Variants in FAM200C observed in about 807,000 individuals in gnomAD.
chr5:160,395,561 C>A, the FAM200C span: 1 of 1,265,900 alleles, frequency 7.9e-7, no homozygotes, highest in Non-Finnish European at 1.1e-6. Context: ...AAATATAACC[C>A]ACACATTAAA....
the FAM200C span, among the ~76,000 whole-genome samples, chr5:160,399,074 C>T: frequency 6.6e-6 from 1 of 152,162 alleles, no homozygotes; most frequent in Non-Finnish European, 1.5e-5. Flanking sequence ...GATGGGTATA[C>T]ATCATTACAC....
the FAM200C span, chr5:160,394,115 TG>T: frequency 1.2e-6 from 2 of 1,613,678 alleles, no homozygotes; most frequent in Non-Finnish European, 1.7e-6. Flanking sequence ...AAAATATCCA[TG>T]GAAGAAGTTG....
the FAM200C span, chr5:160,395,032 C>A: frequency 6.2e-7 from 1 of 1,613,890 alleles, no homozygotes; most frequent in Non-Finnish European, 8.5e-7. Context: ...TATCCTGGCT[C>A]ATTTCATCAA....
chr5:160,396,386 C>T, the FAM200C span, among the ~76,000 whole-genome samples: 513 of 152,262 alleles, frequency 3.4e-3, no homozygotes, highest in Non-Finnish European at 5.5e-3. Context: ...AGGTAGGCTA[C>T]AAATTGGCTC....
the FAM200C span, chr5:160,393,818 G>C: frequency 6.2e-7 from 1 of 1,609,866 alleles, no homozygotes; most frequent in Non-Finnish European, 8.5e-7. Context: ...GCAGCTTCTG[G>C]ACTTTGTTTT....
the FAM200C span, among the ~76,000 whole-genome samples, chr5:160,398,331 C>T: frequency 6.6e-6 from 1 of 152,180 alleles, no homozygotes; most frequent in Non-Finnish European, 1.5e-5. Context: ...AGGCGGATCA[C>T]CTGAGGTCAG....
the FAM200C span, chr5:160,395,080 C>T: frequency 6.3e-4 from 1,024 of 1,614,080 alleles, 5 homozygotes; most frequent in African/African-American, 0.011. Context: ...AGGGTACCTG[C>T]TGAAGCTTTT....
the FAM200C span, chr5:160,399,856 G>A: frequency 6.6e-6 from 1 of 152,074 alleles, no homozygotes; most frequent in Non-Finnish European, 1.5e-5. Flanking sequence ...TGGGATGCAC[G>A]GGCTTCTTTT....
the FAM200C span, chr5:160,393,908 G>T: frequency 6.2e-7 from 1 of 1,614,086 alleles, no homozygotes; most frequent in Non-Finnish European, 8.5e-7. Flanking sequence ...AGCTGTCTTT[G>T]CCAGGTTTGG....
chr5:160,396,681 C>T, the FAM200C span, among the ~76,000 whole-genome samples: 338 of 120,828 alleles, frequency 2.8e-3, no homozygotes, highest in African/African-American at 0.01. Context: ...GCCTGGGCGA[C>T]AGAGCAAGTC....
At chr5:160,393,840 G>A in the FAM200C span, 94 of 1,613,630 alleles carry the variant, frequency 5.8e-5, no homozygotes, top group African/African-American at 9.3e-4. Context: ...AAATGTAAAA[G>A]TGATGAAAAT....
the FAM200C span, among the ~76,000 whole-genome samples, chr5:160,395,746 T>C: frequency 1.3e-5 from 2 of 152,206 alleles, no homozygotes; most frequent in Non-Finnish European, 2.9e-5. Context: ...AAGTTATATA[T>C]GGGAGATTTG....
chr5:160,396,425 A>G, the FAM200C span, among the ~76,000 whole-genome samples: 1 of 152,134 alleles, frequency 6.6e-6, no homozygotes, highest in African/African-American at 2.4e-5. Flanking sequence ...AGTGTAACAC[A>G]CTATCAGTCC....
chr5:160,398,450 T>C, the FAM200C span, among the ~76,000 whole-genome samples: 13 of 151,960 alleles, frequency 8.6e-5, no homozygotes, highest in Admixed American at 5.2e-4. Flanking sequence ...TGCAGGAGAA[T>C]CGCTTGATCT....
chr5:160,399,774 T>G, the FAM200C span: 1 of 113,000 alleles, frequency 8.8e-6, no homozygotes. Flanking sequence ...GAACGCCAGC[T>G]GCTAGGAAAA....
At chr5:160,394,577 G>A in the FAM200C span, 30 of 1,614,148 alleles carry the variant, frequency 1.9e-5, 2 homozygotes, top group South Asian at 3.3e-4. Flanking sequence ...ATGATTTGGA[G>A]CTCTCCCTTT....
At chr5:160,393,856 C>T in the FAM200C span, 1 of 1,613,962 alleles carries the variant, frequency 6.2e-7, no homozygotes, top group East Asian at 2.2e-5. Context: ...AAAATCCCAA[C>T]TCACAAAGGT....
At chr5:160,399,171 T>A in the FAM200C span, among the ~76,000 whole-genome samples, 1 of 152,238 alleles carries the variant, frequency 6.6e-6, no homozygotes, top group African/African-American at 2.4e-5. Flanking sequence ...ATTTTAAGCA[T>A]GATTCTTTTG....
At chr5:160,395,663 G>A in the FAM200C span, 1 of 626,396 alleles carries the variant, frequency 1.6e-6, no homozygotes, top group East Asian at 2.7e-5. Flanking sequence ...TTCGAAGTAA[G>A]CCATGACAGG....
Sources: gnomAD v4.1 joint callset for allele counts (sites outside exome capture counted in the v4.1 genomes callset) on GRCh38, gnomAD v4.1.1 for gene constraint, MANE v1.5 for transcripts.